Variants in GRM5 observed in about 807,000 individuals in gnomAD.
GRM5 encodes the protein metabotropic glutamate receptor 5.
A neutral mutation model predicts 83.1 loss-of-function variants in GRM5; 19 were observed. That is an observed-to-expected ratio of 0.23 (90% confidence interval 0.16 to 0.34). The LOEUF (loss-of-function observed/expected upper bound fraction) is 0.34. Ranked by LOEUF, GRM5 falls within the 10% of genes least tolerant of loss-of-function variation. The probability of loss-of-function intolerance (pLI) is 1.00; values close to 1 mark genes in which losing one functional copy is unlikely to be tolerated. For missense variants in GRM5, 1,160 were observed against 1,588.3 expected (o/e 0.73, Z 4.58); for synonymous variants, 675 against 633.6 (o/e 1.07, Z -0.98).
At chr11:88,751,765 G>T (rs558479386) in intron 3 of GRM5, among the ~76,000 whole-genome samples, 1 of 152,100 alleles carries the variant, frequency 6.6e-6, no homozygotes, top group Admixed American at 6.5e-5. Flanking sequence ...AATCGAGTTC[G>T]CTTCATTCTC....
chr11:88,626,950 G>A (rs933503317), intron 4 of GRM5, among the ~76,000 whole-genome samples: 6 of 152,078 alleles, frequency 3.9e-5, no homozygotes, highest in African/African-American at 1.2e-4. Context: ...CCTGATCTCC[G>A]GCTTCCAGCC....
Position 88,804,129 on chromosome 11 carries a change from G to A in GRM5, c.911+45777C>T, listed in dbSNP as rs1462741538. ...CAACCCTTGTGGAAGTCAGTGTGGC[G>A]ATTCCTCGGGGATCTAGAACTAGAA... On this transcript the variant is annotated intron_variant, in intron 3 of 9. Transcript: ENST00000305447. 5.3e-5 allele frequency among the ~76,000 whole-genome samples: 8 copies of A among 152,054 alleles called. No homozygotes were observed. In the South Asian group the frequency reaches 6.2e-4, roughly 12 times the overall value.
intron 3 of GRM5, among the ~76,000 whole-genome samples, chr11:88,653,834 A>C (rs1279814409): frequency 6.6e-6 from 1 of 152,140 alleles, no homozygotes; most frequent in Non-Finnish European, 1.5e-5. Context: ...AATTAAAAAT[A>C]TTCTCCAACA....
rs1367130821 is a variant in GRM5, at chr11:88,941,427, G to T, written c.662-91272C>A. Among the ~76,000 whole-genome samples, 12 of 144,142 alleles carry T rather than the reference G, an allele frequency of 8.3e-5. No individual in the cohort carries two copies. The Admixed American group carries it at 8.5e-4, about 10-fold the overall frequency. The allele number at this position is 144,142 out of a possible 152,430, so 94.6% of individuals were successfully genotyped here. Reference sequence around the variant, plus strand: ...AAGAGAAGAGGGGAGAAGAGGAGAAGAGACGAGAATAGGGGAGAAGAGGGG... The same window carrying T: ...AAGAGAAGAGGGGAGAAGAGGAGAATAGACGAGAATAGGGGAGAAGAGGGG... On this transcript the variant is annotated intron_variant, in intron 2 of 9. Transcript: ENST00000305447.
Position 88,584,142 on chromosome 11 carries a change from T to TAA in GRM5, c.1690+6458_1690+6459insTT, listed in dbSNP as rs201826760. Among the ~76,000 whole-genome samples the TAA allele has an allele frequency of 7.3e-3, 1,109 of 152,126 alleles. 11 individuals carry two copies. Among genetic ancestry groups the TAA allele is most frequent in the African/African-American group, 0.026 (1,071 of 41,498 alleles). On this transcript the variant is annotated intron_variant, in intron 7 of 9. Transcript: ENST00000305447. ...ATTTTTAAATATGCAGAGAAAAGTATATGGTATGGAACAAATAAAATCTAT... is the reference window on the plus strand; with the variant it reads ...ATTTTTAAATATGCAGAGAAAAGTATAAATGGTATGGAACAAATAAAATCTAT...
At chr11:88,820,149 G>A (rs1943760651) in intron 3 of GRM5, among the ~76,000 whole-genome samples, 1 of 151,662 alleles carries the variant, frequency 6.6e-6, no homozygotes, top group Admixed American at 6.6e-5. Context: ...GGGAGGCCAA[G>A]GCAGGCAGAT....
chr11:88,855,293 TTTTG>T (rs1944454715), intron 2 of GRM5, among the ~76,000 whole-genome samples: 2 of 151,862 alleles, frequency 1.3e-5, no homozygotes, highest in Non-Finnish European at 2.9e-5. Context: ...AACCACTATT[TTTTG>T]TTTGGTACTT....
At chr11:88,920,350 C>G (rs12362395) in intron 2 of GRM5, among the ~76,000 whole-genome samples, 1 of 146,184 alleles carries the variant, frequency 6.8e-6, no homozygotes, top group Non-Finnish European at 1.5e-5. Flanking sequence ...ATGAAGAAAT[C>G]TAAAACCTAA....
intron 1 of GRM5, among the ~76,000 whole-genome samples, chr11:89,054,160 G>A (rs186682266): frequency 1.3e-5 from 2 of 152,280 alleles, no homozygotes; most frequent in Non-Finnish European, 2.9e-5. Flanking sequence ...CACTAACTTA[G>A]GTGAGAGAGA....
At chr11:88,525,482 T>C in intron 8 of GRM5, 78 bp from the exon 9 acceptor site, 1 of 885,866 alleles carries the variant, frequency 1.1e-6, no homozygotes. Context: ...GGAACGGCCG[T>C]GACTGTGGAG....
At chr11:88,510,962 A>G (rs1941353451) in intron 9 of GRM5, among the ~76,000 whole-genome samples, 1 of 152,188 alleles carries the variant, frequency 6.6e-6, no homozygotes, top group South Asian at 2.1e-4. Flanking sequence ...GCCTGACTAC[A>G]AAAGAAGTTG....
At chr11:88,758,514 G>A (rs959521238) in intron 3 of GRM5, among the ~76,000 whole-genome samples, 7 of 152,144 alleles carry the variant, frequency 4.6e-5, no homozygotes, top group African/African-American at 1.7e-4. Context: ...CTGGCTTTCT[G>A]AAATAAGACA....
intron 3 of GRM5, among the ~76,000 whole-genome samples, chr11:88,662,227 G>T (rs1379852617): frequency 6.6e-6 from 1 of 152,138 alleles, no homozygotes; most frequent in Non-Finnish European, 1.5e-5. Context: ...GAGGAAATCT[G>T]AGGGATTAAA....
In GRM5 at chr11:88,934,066, GA is replaced by G. The variant is rs1200581215; in HGVS notation, c.662-83912del. Among the ~76,000 whole-genome samples the G allele has an allele frequency of 8.7e-5, 13 of 149,222 alleles. No homozygotes were observed. The East Asian group carries it at 2.0e-3, about 23-fold the overall frequency. On this transcript the variant is annotated intron_variant, in intron 2 of 9. Transcript: ENST00000305447. ...GGATTCAACATCATAAAAGTAAAAA[GA>G]AAAAAAAAGCAAACAAAAAATCTTC... is the stretch of plus-strand genomic sequence containing the variant.
chr11:89,053,328 T>C (rs1470730930), intron 1 of GRM5, among the ~76,000 whole-genome samples: 3 of 152,160 alleles, frequency 2.0e-5, no homozygotes, highest in Non-Finnish European at 2.9e-5. Context: ...ATACCTGGAA[T>C]ACACTTTTAA....
chr11:88,583,327 G>A (rs1235716314), intron 7 of GRM5, among the ~76,000 whole-genome samples: 1 of 152,156 alleles, frequency 6.6e-6, no homozygotes, highest in Non-Finnish European at 1.5e-5. Flanking sequence ...AGAGACAAAT[G>A]TTCCAACCTC....
At chr11:88,984,207 C>T (rs1292890934) in intron 2 of GRM5, among the ~76,000 whole-genome samples, 1 of 152,150 alleles carries the variant, frequency 6.6e-6, no homozygotes, top group Non-Finnish European at 1.5e-5. Flanking sequence ...CACTCACCAA[C>T]TCACCAGAGT....
intron 3 of GRM5, among the ~76,000 whole-genome samples, chr11:88,809,221 C>T (rs1483629848): frequency 6.6e-6 from 1 of 151,896 alleles, no homozygotes. Context: ...GGGAAATATC[C>T]AGCTGGAGGA....
At chr11:88,784,346 C>A (rs1363206731) in intron 3 of GRM5, among the ~76,000 whole-genome samples, 1 of 152,036 alleles carries the variant, frequency 6.6e-6, no homozygotes, top group Non-Finnish European at 1.5e-5. Context: ...TTCCTATTCT[C>A]CACTTATGTG....
Sources: allele counts gnomAD v4.1 joint callset (sites outside exome capture counted in the v4.1 genomes callset), GRCh38; gene constraint gnomAD v4.1.1; transcripts MANE v1.5; gene names NCBI Gene and HGNC (gene_info 2026-07-23, HGNC 2026-07-21).